Variants in ERBIN observed in about 807,000 individuals in gnomAD.
ERBIN encodes the protein erbb2 interacting protein.
ERBIN carries 60 observed loss-of-function variants against 158.4 expected under a neutral mutation model. The ratio of observed to expected loss-of-function variants is 0.38; its 90% CI spans 0.31 to 0.47. The LOEUF (loss-of-function observed/expected upper bound fraction) is 0.47. Among genes scored for constraint, ERBIN ranks in the 20% least tolerant of loss-of-function variants. ERBIN has a pLI of 0.99. For synonymous variants in ERBIN, 594 were observed against 557.2 expected, an observed-to-expected ratio of 1.07 and a Z score of -0.93; for missense variants, 1,610 against 1,648.0, an observed-to-expected ratio of 0.98 and a Z score of 0.40.
At chr5:66,067,983 C>T (rs996705611) in intron 21 of ERBIN, among the ~76,000 whole-genome samples, 4 of 151,908 alleles carry the variant, frequency 2.6e-5, no homozygotes, top group East Asian at 1.9e-4. Flanking sequence ...ATCATAAATT[C>T]GCGTATGTTA....
chr5:66,064,556 A>G (rs1355043955), intron 21 of ERBIN, among the ~76,000 whole-genome samples: 5 of 152,206 alleles, frequency 3.3e-5, no homozygotes, highest in Non-Finnish European at 7.3e-5. Context: ...TTAAAAGCCT[A>G]TCAGAAGAAT....
Position 66,050,801 on chromosome 5 carries a change from A to G in ERBIN, c.1922A>G (p.Asp641Gly), listed in dbSNP as rs989051700. Residue 641 changes from aspartate (D) to glycine (G), a missense_variant, in exon 20 of 26, where the codon GAT becomes GGT. Transcript: ENST00000284037. ...NNKKDDTKET[D>G]SLSDEVTHNS... ...GTTTCAGATGATACAAAGGAAACAG[A>G]TTCTTTATCAGATGAAGTTACACAC... The G allele has an allele frequency of 1.3e-6, 2 of 1,557,412 alleles. No individual in the cohort carries two copies. Among genetic ancestry groups the G allele is most frequent in the South Asian group, 1.2e-5 (1 of 81,282 alleles).
At chr5:66,025,702 A>G (rs1191951438) in intron 11 of ERBIN, 146 bp from the exon 12 acceptor site, 2 of 856,042 alleles carry the variant, frequency 2.3e-6, no homozygotes, top group East Asian at 2.6e-5. Flanking sequence ...ATGATAGACA[A>G]ACCTACTTAT....
chr5:66,080,583 C>T lies in ERBIN; in HGVS notation c.*2053C>T, dbSNP rs1762343573. The T allele has an allele frequency of 6.6e-6, 1 of 151,760 alleles. No individual in the cohort carries two copies. The highest frequency in any genetic ancestry group is 1.9e-4 in the East Asian group (1 of 5,184). The allele number at this position is 151,760 out of a possible 1,614,324, so 9.4% of individuals were successfully genotyped here. On this transcript the variant is annotated 3_prime_UTR_variant, in exon 26 of 26. Transcript: ENST00000284037. ...AATTTTGGCATTCTAAAATAGCTAACATTTCTTTTATTGATTTCAGATTTT... is the reference window on the plus strand; with the variant it reads ...AATTTTGGCATTCTAAAATAGCTAATATTTCTTTTATTGATTTCAGATTTT...
chr5:66,082,227 A>G lies in ERBIN; in HGVS notation c.*3697A>G, dbSNP rs1233090722. On this transcript the variant is annotated 3_prime_UTR_variant, in exon 26 of 26. Transcript: ENST00000284037. ...TAAAATGTTAGAGAATGTTTAGAGAAAACACCTGAAATTTTTTTTAAGAGA... is the reference window on the plus strand; with the variant it reads ...TAAAATGTTAGAGAATGTTTAGAGAGAACACCTGAAATTTTTTTTAAGAGA... The G allele has an allele frequency of 1.3e-5, 2 of 152,208 alleles. No homozygotes were observed. Among genetic ancestry groups the G allele is most frequent in the Non-Finnish European group, 2.9e-5 (2 of 68,028 alleles). The allele number at this position is 152,208 out of a possible 1,614,324, so 9.4% of individuals were successfully genotyped here.
intron 13 of ERBIN, 72 bp from the exon 14 acceptor site, chr5:66,028,202 A>G: frequency 8.8e-7 from 1 of 1,134,826 alleles, no homozygotes; most frequent in Admixed American, 2.3e-5. Context: ...GAAAACCTTT[A>G]GGTTGAACCC....
At chr5:66,025,265 A>T in intron 10 of ERBIN, 1 of 524,022 alleles carries the variant, frequency 1.9e-6, no homozygotes, top group Non-Finnish European at 3.4e-6. Context: ...GTTAATAAAC[A>T]AATGTACACT....
rs780177969 is a variant in ERBIN at position 65,994,814 on chromosome 5, C to T, written c.257C>T (p.Ala86Val). 3.5e-5 allele frequency: 57 copies of T among 1,608,928 alleles called. No homozygotes were observed. The highest frequency in any genetic ancestry group is 4.4e-5 in the Non-Finnish European group (52 of 1,178,546). Residue 86 changes from alanine to valine, a missense_variant, in exon 4 of 26, where the codon GCA (alanine) becomes GTA (valine). Ala to Val is a moderately conservative substitution (Grantham distance 64). Transcript: ENST00000284037. The part of the protein sequence containing the change: ...LPDNDLTTLP[A>V]SIANLINLRE... ...GACAATGATTTAACAACGTTACCAG[C>T]ATCCATTGCAAACCTTATTAATCTC... is the stretch of plus-strand genomic sequence containing the variant.
rs761751803 is a variant in ERBIN, at chr5:66,053,884, C to G, written c.2566C>G (p.Leu856Val). 1 of 1,614,100 alleles carries G rather than the reference C, an allele frequency of 6.2e-7. No homozygotes were observed. The highest frequency in any genetic ancestry group is 8.5e-7 in the Non-Finnish European group (1 of 1,180,008). Residue 856 changes from leucine (L) to valine (V), a missense_variant, in exon 21 of 26, where the codon CTC (leucine) becomes GTC (valine). This residue lies in a region of ERBIN where 1,014 missense variants were observed against 936.1 expected (regional missense o/e 1.08). Coordinates refer to ENST00000284037, the MANE Select transcript of ERBIN (RefSeq NM_001253697.2). The stretch of plus-strand genomic sequence containing the variant: ...AGGTATTTCCAAAAGCACTGAAGAT[C>G]TCTCCCCTCAGAAAAGTGGTCCAGT... ...DLGISKSTED[L>V]SPQKSGPVGS...
intron 2 of ERBIN, among the ~76,000 whole-genome samples, chr5:65,990,323 A>ACTC (rs1156817940): frequency 6.6e-6 from 1 of 152,224 alleles, no homozygotes; most frequent in African/African-American, 2.4e-5. Context: ...ATGGAATGAG[A>ACTC]GTCTGCATAT....
At chr5:66,072,099 C>T in intron 21 of ERBIN, 70 bp from the exon 22 acceptor site, 1 of 1,486,622 alleles carries the variant, frequency 6.7e-7, no homozygotes, top group Non-Finnish European at 9.0e-7. Flanking sequence ...AATCTTCTCT[C>T]AAGTGTCATC....
chr5:65,948,584 A>AT (rs1354435551), intron 1 of ERBIN, among the ~76,000 whole-genome samples: 2 of 151,980 alleles, frequency 1.3e-5, no homozygotes, highest in Non-Finnish European at 2.9e-5. Context: ...ACAATGGTAG[A>AT]TTTTTTTGTT....
Position 66,077,759 on chromosome 5 carries a change from TACACACAC to T in ERBIN, c.4132-636_4132-629del, listed in dbSNP as rs70987111. On this transcript the variant is annotated intron_variant, in intron 25 of 25. Coordinates refer to ENST00000284037, the MANE Select transcript of ERBIN (RefSeq NM_001253697.2). Reference sequence around the variant, plus strand: ...TTCTCTTTTTCTCCCTCCCTCCCTCTACACACACACACACACACACACACACACACACA... The same window carrying T: ...TTCTCTTTTTCTCCCTCCCTCCCTCTACACACACACACACACACACACACA... Among the ~76,000 whole-genome samples the T allele has an allele frequency of 2.4e-3, 335 of 139,378 alleles. 3 individuals are homozygous for T. The highest frequency in any genetic ancestry group is 3.2e-3 in the Admixed American group (45 of 13,962). The allele number at this position is 139,378 out of a possible 152,430, so 91.4% of individuals were successfully genotyped here.
chr5:66,002,835 T>G (rs1451745513), intron 4 of ERBIN, among the ~76,000 whole-genome samples: 1 of 152,230 alleles, frequency 6.6e-6, no homozygotes, highest in Non-Finnish European at 1.5e-5. Context: ...ATTTCTAAAA[T>G]TGCCATTTTG....
Position 66,076,908 on chromosome 5 carries a change from C to G in ERBIN, c.4090C>G (p.Pro1364Ala), listed in dbSNP as rs201815418. ...IFVTRVQPEG[P>A]ASKLLQPGDK... Reference sequence around the variant, plus strand: ...TGTAACAAGGGTACAACCTGAAGGACCAGCATCAAAATTACTGCAGCCAGG... The same window carrying G: ...TGTAACAAGGGTACAACCTGAAGGAGCAGCATCAAAATTACTGCAGCCAGG... The change falls in exon 25 of 26, where the codon CCA (proline) becomes GCA (alanine). Residue 1364 changes from proline (P) to alanine (A), a missense_variant. By Grantham distance (27) the Pro-to-Ala change is conservative (BLOSUM62 -1). Transcript: ENST00000284037. 5.0e-6 allele frequency: 8 copies of G among 1,609,218 alleles called. No homozygotes were observed. In the East Asian group the frequency reaches 1.6e-4, roughly 31 times the overall value.
chr5:66,061,647 T>G (rs1007148861), intron 21 of ERBIN, among the ~76,000 whole-genome samples: 3 of 152,234 alleles, frequency 2.0e-5, no homozygotes, highest in African/African-American at 7.2e-5. Flanking sequence ...CTTGATGGTC[T>G]TTACAATTTG....
Position 66,054,928 on chromosome 5 carries a change from A to G in ERBIN, c.3610A>G (p.Ile1204Val), listed in dbSNP as rs1759443637. ...CTGGAGAGAACAAGTACTTCGACAT[A>G]TTGAAGCCAAAAAGTTAGAAAAGGT... ...RDWREQVLRH[I>V]EAKKLEKKHP... Residue 1204 changes from isoleucine (I) to valine (V), a missense_variant, in exon 21 of 26, where the codon ATT becomes GTT. Transcript: ENST00000284037. 3 of 1,580,988 alleles carry G rather than the reference A, an allele frequency of 1.9e-6. No homozygotes were observed. The highest frequency in any genetic ancestry group is 2.6e-6 in the Non-Finnish European group (3 of 1,163,664).
chr5:66,070,328 C>A (rs2151294957), intron 21 of ERBIN, among the ~76,000 whole-genome samples: 1 of 152,266 alleles, frequency 6.6e-6, no homozygotes, highest in South Asian at 2.1e-4. Context: ...CAGGCATGAG[C>A]CACCGCGCCC....
chr5:66,038,418 T>C lies in ERBIN; in HGVS notation c.1242T>C (p.Asp414=). Residue 414 remains aspartate, a synonymous_variant, in exon 15 of 26, where the codon GAT becomes GAC. Coordinates refer to ENST00000284037, the MANE Select transcript of ERBIN (RefSeq NM_001253697.2). ...KPLIPLQKET[D]SETQKMVLTN... ...TGATACCTCTTCAAAAAGAAACTGA[T>C]TCAGAGACCCAGAAAATGGTGCTTA... 6.2e-7 allele frequency: 1 copy of C among 1,612,286 alleles called. No homozygotes were observed. The highest frequency in any genetic ancestry group is 8.5e-7 in the Non-Finnish European group (1 of 1,178,830).
Sources: allele counts gnomAD v4.1 joint callset (sites outside exome capture counted in the v4.1 genomes callset), GRCh38; gene constraint gnomAD v4.1.1; regional missense constraint gnomAD v4.1.1; transcripts MANE v1.5; gene names NCBI Gene and HGNC (gene_info 2026-07-23, HGNC 2026-07-21).